Variants in SAXO2 observed in about 807,000 individuals in gnomAD.
SAXO2 encodes stabilizer of axonemal microtubules 2, also known as family with sequence similarity 154, member B.
SAXO2 carries 17 observed loss-of-function variants against 18.7 expected under a neutral mutation model. The ratio of observed to expected loss-of-function variants is 0.91; its 90% CI spans 0.62 to 1.36. The LOEUF is 1.36. Among genes scored for constraint, SAXO2 ranks in the 40% most tolerant of loss-of-function variants. The probability of loss-of-function intolerance (pLI) is 0.00; values close to 1 mark genes in which losing one functional copy is unlikely to be tolerated. For synonymous variants in SAXO2, 163 were observed against 181.2 expected, an observed-to-expected ratio of 0.90 and a Z score of 0.81; for missense variants, 486 against 562.6, an observed-to-expected ratio of 0.86 and a Z score of 1.38.
Position 82,284,604 on chromosome 15 carries a change from G to A in SAXO2, c.*1542G>A, listed in dbSNP as rs1447790780. 6.6e-6 allele frequency: 1 copy of A among 152,128 alleles called. No individual in the cohort carries two copies. Among genetic ancestry groups the A allele is most frequent in the African/African-American group, 2.4e-5 (1 of 41,386 alleles). The allele number at this position is 152,128 out of a possible 1,614,324, so 9.4% of individuals were successfully genotyped here. On this transcript the variant is annotated 3_prime_UTR_variant, in exon 4 of 4. Coordinates refer to ENST00000682753, the MANE Select transcript of SAXO2 (RefSeq NM_001348699.2). Reference sequence around the variant, plus strand: ...AGTGATAAGGTAAAGAATGATGCCAGTAAGTATAGTAGAAACACTCTATTG... The same window carrying A: ...AGTGATAAGGTAAAGAATGATGCCAATAAGTATAGTAGAAACACTCTATTG...
At chr15:82,264,701 C>A (rs1266669629) in intron 1 of SAXO2, 1 of 702,402 alleles carries the variant, frequency 1.4e-6, no homozygotes, top group East Asian at 2.7e-5. Context: ...GCCACTGCCT[C>A]TGCCATAATC....
Position 82,282,341 on chromosome 15 carries a change from A to C in SAXO2, c.656A>C (p.Gln219Pro), listed in dbSNP as rs2141382462. The change falls in exon 4 of 4, where the codon CAG (glutamine) becomes CCG (proline). Residue 219 changes from glutamine (Q) to proline (P), a missense_variant. Coordinates refer to ENST00000682753, the MANE Select transcript of SAXO2 (RefSeq NM_001348699.2). ...CATCGCCTTGATTATATACCTCATC[A>C]GCTTGAACTCAAGTTTGAAAGGCCA... ...TSHRLDYIPH[Q>P]LELKFERPKE... The C allele has an allele frequency of 6.2e-7, 1 of 1,614,198 alleles. No individual in the cohort carries two copies. Among genetic ancestry groups the C allele is most frequent in the Middle Eastern group, 1.6e-4 (1 of 6,062 alleles).
chr15:82,273,921 A>G (rs943561289), intron 3 of SAXO2, among the ~76,000 whole-genome samples: 2 of 151,946 alleles, frequency 1.3e-5, no homozygotes, highest in African/African-American at 2.4e-5. Flanking sequence ...TATTTTTGGT[A>G]GAGACAGAGT....
At position 82,266,145 on chromosome 15, in the gene SAXO2, CA is replaced by C. The variant is rs67665037; in HGVS notation, c.233+407del. 7.4e-5 allele frequency among the ~76,000 whole-genome samples: 11 copies of C among 149,224 alleles called. No individual in the cohort carries two copies. The South Asian group carries it at 8.4e-4, about 11-fold the overall frequency. Reference sequence around the variant, plus strand: ...CCATAGCTGATGAGCTAAACAACAACAAAAAAAAAATCACAAAAAAATCTCA... The same window carrying C: ...CCATAGCTGATGAGCTAAACAACAACAAAAAAAAATCACAAAAAAATCTCA... On this transcript the variant is annotated intron_variant, in intron 2 of 3. Transcript: ENST00000682753.
intron 2 of SAXO2, among the ~76,000 whole-genome samples, chr15:82,268,378 A>AAAAAC (rs1344938941): frequency 2.0e-5 from 3 of 152,222 alleles, no homozygotes; most frequent in Admixed American, 6.5e-5. Flanking sequence ...TAATAATTTA[A>AAAAAC]AAAACAAAAC....
chr15:82,270,652 C>T (rs753703726), intron 2 of SAXO2, among the ~76,000 whole-genome samples: 9 of 152,086 alleles, frequency 5.9e-5, no homozygotes, highest in Non-Finnish European at 8.8e-5. Flanking sequence ...AGTCACGTGT[C>T]AATAGAGTCC....
At chr15:82,272,548 T>G (rs1022065582) in intron 3 of SAXO2, among the ~76,000 whole-genome samples, 9 of 152,150 alleles carry the variant, frequency 5.9e-5, no homozygotes, top group Non-Finnish European at 1.0e-4. Context: ...TTGTTGTTTT[T>G]GGGTTTTTTT....
intron 3 of SAXO2, among the ~76,000 whole-genome samples, chr15:82,275,685 A>T (rs139703096): frequency 1.3e-5 from 2 of 152,216 alleles, no homozygotes; most frequent in Non-Finnish European, 2.9e-5. Flanking sequence ...TCATATGATC[A>T]TCTCAGTAGA....
At chr15:82,273,536 A>T (rs1326911955) in intron 3 of SAXO2, among the ~76,000 whole-genome samples, 1 of 152,122 alleles carries the variant, frequency 6.6e-6, no homozygotes, top group East Asian at 1.9e-4. Flanking sequence ...GGTCAAGAAA[A>T]TGTTTTTTCT....
chr15:82,263,053 G>A (rs1467118096), intron 1 of SAXO2, 121 bp downstream of exon 1: 9 of 1,526,574 alleles, frequency 5.9e-6, no homozygotes, highest in Non-Finnish European at 7.0e-6. Context: ...AAGGGACGAG[G>A]GCGCAGCGAC....
intron 2 of SAXO2, among the ~76,000 whole-genome samples, chr15:82,270,594 C>CA (rs1228513914): frequency 1.3e-5 from 2 of 152,152 alleles, no homozygotes; most frequent in African/African-American, 4.8e-5. Context: ...AACTTACAGA[C>CA]ATACGCAGCA....
intron 1 of SAXO2, among the ~76,000 whole-genome samples, chr15:82,264,205 G>A (rs1448105768): frequency 6.6e-6 from 1 of 151,344 alleles, no homozygotes; most frequent in East Asian, 1.9e-4. Flanking sequence ...CTGAGTAGCT[G>A]GGATTACAGG....
intron 3 of SAXO2, 81 bp downstream of exon 3, chr15:82,271,883 T>C: frequency 8.1e-7 from 1 of 1,237,504 alleles, no homozygotes; most frequent in Non-Finnish European, 1.1e-6. Flanking sequence ...AAATTATAAC[T>C]TTGGTGTGCT....
At chr15:82,263,060 C>G in intron 1 of SAXO2, 128 bp downstream of exon 1, 7 of 1,524,690 alleles carry the variant, frequency 4.6e-6, no homozygotes, top group Non-Finnish European at 6.2e-6. Flanking sequence ...GAGGGCGCAG[C>G]GACATCCCCA....
At chr15:82,272,246 A>G (rs1384209678) in intron 3 of SAXO2, among the ~76,000 whole-genome samples, 1 of 152,216 alleles carries the variant, frequency 6.6e-6, no homozygotes, top group Admixed American at 6.5e-5. Flanking sequence ...ATAAAGCAAA[A>G]GAGTTGCCAG....
intron 1 of SAXO2, chr15:82,264,750 G>A (rs781640407): frequency 2.3e-5 from 16 of 701,908 alleles, no homozygotes; most frequent in South Asian, 1.3e-4. Flanking sequence ...AGAATCACTC[G>A]TCTCTTCCAA....
At position 82,271,650 on chromosome 15, in the gene SAXO2, C is replaced by T. The variant is rs16973457; in HGVS notation, c.281C>T (p.Pro94Leu). 781,488 of 1,612,380 alleles carry T rather than the reference C, an allele frequency of 0.48. 194,539 individuals carry two copies. Among genetic ancestry groups the T allele is most frequent in the Middle Eastern group, 0.54 (3,253 of 6,058 alleles). Reference sequence around the variant, plus strand: ...ATAGTTAAACAGCCTCGCCATGTGCCAGAAGAATATAAACCAAAACAAGGG... The same window carrying T: ...ATAGTTAAACAGCCTCGCCATGTGCTAGAAGAATATAAACCAAAACAAGGG... ...YEIVKQPRHV[P>L]EEYKPKQGKI... The change falls in exon 3 of 4, where the codon CCA becomes CTA. Residue 94 changes from proline to leucine, a missense_variant. Pro to Leu is a moderately conservative substitution (Grantham distance 98, BLOSUM62 -3). Transcript: ENST00000682753.
intron 3 of SAXO2, among the ~76,000 whole-genome samples, chr15:82,277,781 A>C (rs2075327998): frequency 6.6e-6 from 1 of 152,236 alleles, no homozygotes; most frequent in Admixed American, 6.5e-5. Context: ...CTGTTACACA[A>C]GTGAATAAAA....
At chr15:82,266,802 AC>A in intron 2 of SAXO2, among the ~76,000 whole-genome samples, 1 of 152,340 alleles carries the variant, frequency 6.6e-6, no homozygotes. Context: ...GAAAGCAGGA[AC>A]TAAGTCTATT....
Sources: gnomAD v4.1 joint callset for allele counts (sites outside exome capture counted in the v4.1 genomes callset) on GRCh38, gnomAD v4.1.1 for gene constraint, MANE v1.5 for transcripts, NCBI Gene and HGNC (gene_info 2026-07-23, HGNC 2026-07-21) for gene names.